Variants in FARP2 observed in about 807,000 individuals in gnomAD.
The protein encoded by FARP2 is FERM, ARHGEF and pleckstrin domain-containing protein 2.
A neutral mutation model predicts 130.5 loss-of-function variants in FARP2; 111 were observed. The observed-to-expected ratio is 0.85, with a 90% CI of 0.73 to 1.00. The LOEUF (loss-of-function observed/expected upper bound fraction) is 1.00, where lower values mean the gene tolerates loss of function less well. Ranked by LOEUF, FARP2 falls within the 50% of genes least tolerant of loss-of-function variation. The pLI, the probability that FARP2 is intolerant of heterozygous loss-of-function variation, is 0.00. For synonymous variants in FARP2, 504 were observed against 516.9 expected (o/e 0.98, Z 0.34); for missense variants, 1,385 against 1,346.3 (o/e 1.03, Z -0.45).
At chr2:241,478,966 T>C (rs1029669154) in intron 19 of FARP2, 1 of 424,364 alleles carries the variant, frequency 2.4e-6, no homozygotes, top group African/African-American at 2.1e-5. Flanking sequence ...AGGCCAAGAT[T>C]TTGCAAGAAC....
At chr2:241,455,022 AT>A (rs1001623999) in intron 13 of FARP2, among the ~76,000 whole-genome samples, 9 of 152,216 alleles carry the variant, frequency 5.9e-5, no homozygotes, top group Admixed American at 5.2e-4. Flanking sequence ...TGAGTTGCTT[AT>A]GCCAACCCAG....
At position 241,468,120 on chromosome 2, in the gene FARP2, C is replaced by T; in HGVS notation, c.1894-20C>T. 1 of 1,518,486 alleles carries T rather than the reference C, an allele frequency of 6.6e-7. No individual in the cohort carries two copies. The highest frequency in any genetic ancestry group is 2.2e-5 in the East Asian group (1 of 44,460). The allele number at this position is 1,518,486 out of a possible 1,614,324, so 94.1% of individuals were successfully genotyped here. On this transcript the variant is annotated intron_variant, in intron 17 of 26. Coordinates refer to ENST00000264042, the MANE Select transcript of FARP2 (RefSeq NM_014808.4). Reference sequence around the variant, plus strand: ...TCCTACATCTCCTCACCTAAAGGCCCCACTCTTGCGCCTCCACAGGAGTTT... The same window carrying T: ...TCCTACATCTCCTCACCTAAAGGCCTCACTCTTGCGCCTCCACAGGAGTTT...
At chr2:241,422,260 CAAAAAAAA>C (rs1198628886) in intron 8 of FARP2, among the ~76,000 whole-genome samples, 3 of 91,978 alleles carry the variant, frequency 3.3e-5, no homozygotes, top group Admixed American at 1.2e-4. Flanking sequence ...ACTAAAAATA[CAAAAAAAA>C]AAAAAAAAAA....
At chr2:241,403,316 G>A (rs1463410589) in intron 2 of FARP2, among the ~76,000 whole-genome samples, 1 of 152,060 alleles carries the variant, frequency 6.6e-6, no homozygotes, top group African/African-American at 2.4e-5. Flanking sequence ...GCAAGTTCAA[G>A]CAATCCTCAC....
intron 12 of FARP2, among the ~76,000 whole-genome samples, chr2:241,439,938 CAA>C (rs1427343014): frequency 6.6e-6 from 1 of 152,074 alleles, no homozygotes; most frequent in African/African-American, 2.4e-5. Context: ...GCCTGAGTGA[CAA>C]GAGTGAAACT....
intron 19 of FARP2, among the ~76,000 whole-genome samples, chr2:241,476,241 G>T (rs2064457601): frequency 1.4e-5 from 2 of 147,168 alleles, no homozygotes; most frequent in African/African-American, 2.5e-5. Context: ...AAAAAGAATT[G>T]CTGGGTGTGG....
chr2:241,492,899 A>T, intron 24 of FARP2, 30 bp from the exon 25 acceptor site: 2 of 1,306,180 alleles, frequency 1.5e-6, no homozygotes, highest in Non-Finnish European at 2.2e-6. Context: ...GGTGCTGGTT[A>T]ATGCACCTGC....
At chr2:241,437,421 A>G (rs970148966) in intron 12 of FARP2, among the ~76,000 whole-genome samples, 1 of 152,168 alleles carries the variant, frequency 6.6e-6, no homozygotes, top group Non-Finnish European at 1.5e-5. Flanking sequence ...TTATGCTGGC[A>G]TGTTAACTTC....
chr2:241,378,416 A>ATT (rs10692211), intron 2 of FARP2, among the ~76,000 whole-genome samples: 8 of 107,702 alleles, frequency 7.4e-5, no homozygotes, highest in East Asian at 5.2e-4. Flanking sequence ...TGCCTGGCCT[A>ATT]TTTTTTTTTT....
At chr2:241,441,186 C>A in intron 12 of FARP2, 118 bp from the exon 13 acceptor site, 1 of 890,746 alleles carries the variant, frequency 1.1e-6, no homozygotes, top group Non-Finnish European at 1.7e-6. Context: ...TGCCCATTTT[C>A]ATGAAAGCTG....
At position 241,428,498 on chromosome 2, in the gene FARP2, C is replaced by T. The variant is rs147840958; in HGVS notation, c.772-3181C>T. 4.1e-4 allele frequency among the ~76,000 whole-genome samples: 62 copies of T among 151,926 alleles called. No homozygotes were observed. In the East Asian group the frequency reaches 0.012, roughly 28 times the overall value. ...GGCGTCAGCCACAGCACCTGGCCTT[C>T]AATATTTTACTTTCAGTAGAAATTA... On this transcript the variant is annotated intron_variant, in intron 8 of 26. Coordinates refer to ENST00000264042, the MANE Select transcript of FARP2 (RefSeq NM_014808.4).
Position 241,456,796 on chromosome 2 carries a change from CCT to C in FARP2, c.1462_1463del (p.Leu488GlufsTer14). ...CTTCTCCCTCCAGCCGGAAGAGCCC[CCT>C]GAGTCTGAGCCCTGCATTTCAGGTG... ...QPSPSSRKSPLSLSPAFQVPL... is the reference protein window; with the variant it reads ...QPSPSSRKSPXSLSPAFQVPL... On this transcript the variant is annotated frameshift_variant, in exon 14 of 27. Coordinates refer to ENST00000264042, the MANE Select transcript of FARP2 (RefSeq NM_014808.4). LOFTEE classifies it high-confidence loss of function. 6.2e-7 allele frequency: 1 copy of C among 1,614,144 alleles called. No individual in the cohort carries two copies. The highest frequency in any genetic ancestry group is 8.5e-7 in the Non-Finnish European group (1 of 1,180,016).
intron 14 of FARP2, among the ~76,000 whole-genome samples, chr2:241,457,355 AGAT>A (rs2063878552): frequency 1.3e-5 from 2 of 149,028 alleles, no homozygotes; most frequent in African/African-American, 5.1e-5. Context: ...CTGGGAGGAA[AGAT>A]CTGGGTGCTA....
At chr2:241,481,056 C>CAAAAAAAAAAAAAAAAA (rs34996407) in intron 19 of FARP2, among the ~76,000 whole-genome samples, 2 of 105,180 alleles carry the variant, frequency 1.9e-5, no homozygotes, top group Non-Finnish European at 1.9e-5. Flanking sequence ...TTGTCTCTAC[C>CAAAAAAAAAAAAAAAAA]AAAAAAAAAA....
chr2:241,441,995 A>G (rs535200315), intron 13 of FARP2: 2 of 360,998 alleles, frequency 5.5e-6, no homozygotes, highest in Middle Eastern at 9.5e-4. Context: ...GAGGCAGTAG[A>G]TATGAACACA....
At chr2:241,386,761 A>C (rs1296197921) in intron 2 of FARP2, 1 of 152,216 alleles carries the variant, frequency 6.6e-6, no homozygotes, top group African/African-American at 2.4e-5. Flanking sequence ...TTACAAACAG[A>C]GGGAGTTTCA....
rs1054098935 is a variant in FARP2, at chr2:241,441,655, G to A, written c.1411+99G>A. ...CCTAGACACAGGGAGGGCCGGTAGG[G>A]AGCTCAGCGCTGCTTGTAAAAATGA... On this transcript the variant is annotated intron_variant, in intron 13 of 26. Transcript: ENST00000264042. The A allele has an allele frequency of 2.0e-6, 3 of 1,528,598 alleles. No homozygotes were observed. In the African/African-American group the frequency reaches 4.1e-5, roughly 21 times the overall value. 94.7% of individuals were successfully genotyped at this position (1,528,598 alleles called of 1,614,324 possible). A position where few individuals can be genotyped will look rare whatever the true frequency, so the allele number is the denominator to read the frequency against.
intron 12 of FARP2, among the ~76,000 whole-genome samples, chr2:241,438,556 AAAAGT>A (rs1418339647): frequency 6.6e-6 from 1 of 152,124 alleles, no homozygotes; most frequent in Non-Finnish European, 1.5e-5. Context: ...GAATGTCTCA[AAAAGT>A]AAAGCTCATG....
At chr2:241,477,829 A>C (rs1463319879) in intron 19 of FARP2, 1 of 152,530 alleles carries the variant, frequency 6.6e-6, no homozygotes, top group Non-Finnish European at 1.5e-5. Context: ...GCATCTTTTC[A>C]TGTGCTTATT....
Sources: gnomAD v4.1 joint callset for allele counts (sites outside exome capture counted in the v4.1 genomes callset) on GRCh38, gnomAD v4.1.1 for gene constraint, MANE v1.5 for transcripts, NCBI Gene and HGNC (gene_info 2026-07-23, HGNC 2026-07-21) for gene names.